ZNF197: variants seen among roughly 807,000 people sequenced by gnomAD.
ZNF197 encodes zinc finger protein 197, also known as VHL-associated KRAB-A domain-containing protein.
In ZNF197, 14 loss-of-function variants were observed where a neutral mutation model predicts 27.4. The observed-to-expected ratio is 0.51, with a 90% CI of 0.34 to 0.80. The LOEUF (loss-of-function observed/expected upper bound fraction) is 0.80, where lower values mean the gene tolerates loss of function less well. Ranked by LOEUF, ZNF197 falls within the 30% of genes least tolerant of loss-of-function variation. The pLI, the probability that ZNF197 is intolerant of heterozygous loss-of-function variation, is 0.02. For synonymous variants in ZNF197, 415 were observed against 420.0 expected (o/e 0.99, Z 0.15); for missense variants, 1,090 against 1,222.6 (o/e 0.89, Z 1.62).
intron 5 of ZNF197, among the ~76,000 whole-genome samples, chr3:44,633,496 G>A (rs760102778): frequency 1.5e-4 from 23 of 152,332 alleles, no homozygotes; most frequent in African/African-American, 3.8e-4. Flanking sequence ...CTAGGGATTA[G>A]CAAAGGCCAT....
rs770775151 is a variant in ZNF197, at chr3:44,646,005, A to G, written c.*1785A>G. Reference sequence around the variant, plus strand: ...AAGATTGTGTTTTTTAATAATGTCAAAGTGGTGTGTTGATTATCATAAATG... The same window carrying G: ...AAGATTGTGTTTTTTAATAATGTCAGAGTGGTGTGTTGATTATCATAAATG... On this transcript the variant is annotated 3_prime_UTR_variant, in exon 6 of 6. Transcript: ENST00000344387. 19 of 985,346 alleles carry G rather than the reference A, an allele frequency of 1.9e-5. No individual in the cohort carries two copies. Among genetic ancestry groups the G allele is most frequent in the East Asian group, 1.1e-4 (1 of 8,830 alleles). The allele number at this position is 985,346 out of a possible 1,614,324, so 61.0% of individuals were successfully genotyped here.
chr3:44,642,633 G>A lies in ZNF197; in HGVS notation c.1503G>A (p.Gln501=), dbSNP rs770370021. 2 of 1,614,058 alleles carry A rather than the reference G, an allele frequency of 1.2e-6. No individual in the cohort carries two copies. Among genetic ancestry groups the A allele is most frequent in the Admixed American group, 1.7e-5 (1 of 60,020 alleles). The change falls in exon 6 of 6, where the codon CAG becomes CAA. Residue 501 remains glutamine, a synonymous_variant. Transcript: ENST00000344387. ...AGAATGCTTACCTCATTGACCATCA[G>A]AGGCTCCACAAAGGGGAAGAACCTT... ...FSQNAYLIDH[Q]RLHKGEEPYK... is the part of the protein sequence containing the mutation.
chr3:44,642,877 TTACATCAGAGAGTCCACACAGAA>T lies in ZNF197; in HGVS notation c.1748_1770del (p.Leu583Ter), dbSNP rs1702702989. 1 of 1,614,172 alleles carries T rather than the reference TTACATCAGAGAGTCCACACAGAA, an allele frequency of 6.2e-7. No homozygotes were observed. The highest frequency in any genetic ancestry group is 2.2e-5 in the East Asian group (1 of 44,882). ...TTTCATTCGAAGCAAAAGCCTCCTC[TTACATCAGAGAGTCCACACAGAA>T]AAGAAAACCTTTGGTTGTAAAAAGT... On this transcript the variant is annotated frameshift_variant, in exon 6 of 6. Coordinates refer to ENST00000344387, the MANE Select transcript of ZNF197 (RefSeq NM_006991.5). LOFTEE classifies it low-confidence loss of function (END_TRUNC).
In ZNF197 at chr3:44,630,337, A is replaced by T. The variant is rs918359922; in HGVS notation, c.391-725A>T. ...GCAAGCCAAGGGATTGGGTTAAGAT[A>T]TTTGCTTCTGATAAGATTTATATCC... On this transcript the variant is annotated intron_variant, in intron 2 of 5. Transcript: ENST00000344387. 4.6e-5 allele frequency among the ~76,000 whole-genome samples: 7 copies of T among 152,250 alleles called. No individual in the cohort carries two copies. The East Asian group carries it at 1.2e-3, about 25-fold the overall frequency.
Position 44,642,115 on chromosome 3 carries a change from C to T in ZNF197, c.985C>T (p.Arg329Ter), listed in dbSNP as rs199888346. 42 of 1,613,644 alleles carry T rather than the reference C, an allele frequency of 2.6e-5. No individual in the cohort carries two copies. The highest frequency in any genetic ancestry group is 4.5e-5 in the East Asian group (2 of 44,860). The change falls in exon 6 of 6, where the codon CGA becomes TGA. Residue 329 changes from arginine (R) to a stop codon, truncating the protein, a stop_gained. Transcript: ENST00000344387. LOFTEE classifies it low-confidence loss of function (END_TRUNC). Reference protein sequence around the residue: ...DTVKKVSLCERDKKKRTPPEK... With the variant: ...DTVKKVSLCE ...AGTGAAGAAAGTTTCCCTTTGTGAA[C>T]GAGACAAGAAGAAAAGGACTCCACC...
In ZNF197 at chr3:44,644,882, AC is replaced by A. The variant is rs2125828196; in HGVS notation, c.*663del. On this transcript the variant is annotated 3_prime_UTR_variant, in exon 6 of 6. Coordinates refer to ENST00000344387, the MANE Select transcript of ZNF197 (RefSeq NM_006991.5). ...AAATAAAAATAAATTTATTAATAAAACTAAAAATTTAATAATAAAAAGTGGA... is the reference window on the plus strand; with the variant it reads ...AAATAAAAATAAATTTATTAATAAAATAAAAATTTAATAATAAAAAGTGGA... 1.0e-6 allele frequency: 1 copy of A among 966,150 alleles called. No homozygotes were observed. The highest frequency in any genetic ancestry group is 1.1e-4 in the East Asian group (1 of 8,724). The allele number at this position is 966,150 out of a possible 1,614,324, so 59.8% of individuals were successfully genotyped here.
At position 44,646,376 on chromosome 3, in the gene ZNF197, A is replaced by G; in HGVS notation, c.*2156A>G. On this transcript the variant is annotated 3_prime_UTR_variant, in exon 6 of 6. Coordinates refer to ENST00000344387, the MANE Select transcript of ZNF197 (RefSeq NM_006991.5). ...TGATTTACCTCTTCACCGAGTAACA[A>G]AATGTCACATTGCTTAGATTGAGAC... 6.4e-7 allele frequency: 1 copy of G among 1,566,536 alleles called. No homozygotes were observed. Among genetic ancestry groups the G allele is most frequent in the Non-Finnish European group, 8.6e-7 (1 of 1,156,876 alleles).
chr3:44,642,153 C>A lies in ZNF197; in HGVS notation c.1023C>A (p.Gly341=), dbSNP rs897358785. 10 of 1,613,826 alleles carry A rather than the reference C, an allele frequency of 6.2e-6. No individual in the cohort carries two copies. The highest frequency in any genetic ancestry group is 2.2e-5 in the East Asian group (1 of 44,866). ...KKKRTPPEKQ[G]QKWKELGDSL... ...AAAGGACTCCACCAGAGAAACAAGG[C>A]CAAAAGTGGAAGGAATTAGGAGACA... The change falls in exon 6 of 6, where the codon GGC becomes GGA. Residue 341 remains glycine, a synonymous_variant. Coordinates refer to ENST00000344387, the MANE Select transcript of ZNF197 (RefSeq NM_006991.5).
chr3:44,632,032 A>G, intron 3 of ZNF197, 73 bp from the exon 4 acceptor site: 2 of 1,313,184 alleles, frequency 1.5e-6, no homozygotes, highest in Non-Finnish European at 2.2e-6. Context: ...TCTTTGTGTT[A>G]TTCCAGCTCT....
rs1425945674 is a variant in ZNF197, at chr3:44,640,462, C to T, written c.770-1438C>T. 6.6e-6 allele frequency among the ~76,000 whole-genome samples: 1 copy of T among 152,012 alleles called. No homozygotes were observed. The highest frequency in any genetic ancestry group is 6.5e-5 in the Admixed American group (1 of 15,272). On this transcript the variant is annotated intron_variant, in intron 5 of 5. Transcript: ENST00000344387. The surrounding 1 kb of genome is among the most constrained non-coding windows in gnomAD (Gnocchi z 4.0). ...GTGTGATCTCGGCTCACTGCAACCTCTACCTCCCTGGTTCAAGTGATTCTC... is the reference window on the plus strand; with the variant it reads ...GTGTGATCTCGGCTCACTGCAACCTTTACCTCCCTGGTTCAAGTGATTCTC...
In ZNF197 at chr3:44,644,260, G is replaced by GT. The variant is rs1238858229; in HGVS notation, c.*41dup. The GT allele has an allele frequency of 1.9e-6, 3 of 1,538,822 alleles. No homozygotes were observed. The highest frequency in any genetic ancestry group is 2.6e-6 in the Non-Finnish European group (3 of 1,149,230). On this transcript the variant is annotated 3_prime_UTR_variant, in exon 6 of 6. Coordinates refer to ENST00000344387, the MANE Select transcript of ZNF197 (RefSeq NM_006991.5). ...TGGAATAGAATCCCTGCCTACTTAA[G>GT]TAACTGTTGGACAAATGATATATAT... is the stretch of plus-strand genomic sequence containing the variant.
rs2125824625 is a variant in ZNF197 at position 44,643,176 on chromosome 3, T to C, written c.2046T>C (p.Asp682=). The change falls in exon 6 of 6, where the codon GAT becomes GAC. Residue 682 remains aspartate (D), a synonymous_variant. Transcript: ENST00000344387. ...GAGAGAATCTCTATGAATGTAAAGA[T>C]TGTGGTAAGGTCTTCGGTTCAAACA... ...HTGENLYECK[D]CGKVFGSNRN... The C allele has an allele frequency of 1.2e-6, 2 of 1,612,588 alleles. No individual in the cohort carries two copies. The highest frequency in any genetic ancestry group is 1.7e-6 in the Non-Finnish European group (2 of 1,179,664).
chr3:44,638,388 G>A (rs1702421915), intron 5 of ZNF197, among the ~76,000 whole-genome samples: 3 of 151,898 alleles, frequency 2.0e-5, no homozygotes, highest in Admixed American at 2.0e-4. Flanking sequence ...CTACAGGTGT[G>A]TGCCACTATG....
rs1442772779 is a variant in ZNF197, at chr3:44,629,182, G to C, written c.28G>C (p.Ala10Pro). The C allele has an allele frequency of 1.2e-6, 2 of 1,613,190 alleles. No individual in the cohort carries two copies. Among genetic ancestry groups the C allele is most frequent in the Admixed American group, 1.7e-5 (1 of 59,816 alleles). MTRENVAHN[A>P]LRQEGLVKGK... ...GACAAGAGAAAATGTAGCCCACAATGCTCTGAGACAAGAGGGCCTTGTGAA... is the reference window on the plus strand; with the variant it reads ...GACAAGAGAAAATGTAGCCCACAATCCTCTGAGACAAGAGGGCCTTGTGAA... The change falls in exon 2 of 6, where the codon GCT becomes CCT. Residue 10 changes from alanine to proline, a missense_variant. By Grantham distance (27) the Ala-to-Pro change is conservative (BLOSUM62 -1). Transcript: ENST00000344387.
intron 3 of ZNF197, among the ~76,000 whole-genome samples, chr3:44,631,789 C>T (rs1419836347): frequency 2.6e-5 from 4 of 152,082 alleles, no homozygotes; most frequent in African/African-American, 9.7e-5. Context: ...CAACCTCCGC[C>T]TCCCAGGTTC....
intron 5 of ZNF197, 38 bp from the exon 6 acceptor site, chr3:44,641,862 G>T (rs1242917026): frequency 6.6e-7 from 1 of 1,519,600 alleles, no homozygotes; most frequent in Non-Finnish European, 8.8e-7. Flanking sequence ...CAAACACAGG[G>T]ACGTGGTAAC....
rs1701832454 is a variant in ZNF197, at chr3:44,629,137, C to G, written c.-18C>G. 1 of 1,594,056 alleles carries G rather than the reference C, an allele frequency of 6.3e-7. No homozygotes were observed. Among genetic ancestry groups the G allele is most frequent in the Non-Finnish European group, 8.5e-7 (1 of 1,172,836 alleles). Reference sequence around the variant, plus strand: ...AAGGAGACCTGGACTGGAGAGGAGCCTTTTTCAAAAAACAACAATGACAAG... The same window carrying G: ...AAGGAGACCTGGACTGGAGAGGAGCGTTTTTCAAAAAACAACAATGACAAG... On this transcript the variant is annotated 5_prime_UTR_variant, in exon 2 of 6. Coordinates refer to ENST00000344387, the MANE Select transcript of ZNF197 (RefSeq NM_006991.5).
Position 44,644,727 on chromosome 3 carries a change from A to C in ZNF197, c.*507A>C. On this transcript the variant is annotated 3_prime_UTR_variant, in exon 6 of 6. Transcript: ENST00000344387. ...AGTTGTAAATGAGAGCAACAATAAAAAGTAGACATGGGCTGGGTGCAGTGG... is the reference window on the plus strand; with the variant it reads ...AGTTGTAAATGAGAGCAACAATAAACAGTAGACATGGGCTGGGTGCAGTGG... The C allele has an allele frequency of 1.0e-6, 1 of 985,840 alleles. No individual in the cohort carries two copies. Among genetic ancestry groups the C allele is most frequent in the Non-Finnish European group, 1.2e-6 (1 of 830,304 alleles). 61.1% of individuals were successfully genotyped at this position (985,840 alleles called of 1,614,324 possible). A position where few individuals can be genotyped will look rare whatever the true frequency, so the allele number is the denominator to read the frequency against.
Position 44,643,210 on chromosome 3 carries a change from A to G in ZNF197, c.2080A>G (p.Ile694Val), listed in dbSNP as rs767096335. Residue 694 changes from isoleucine (I) to valine (V), a missense_variant, in exon 6 of 6, where the codon ATT (isoleucine) becomes GTT (valine). By Grantham distance (29) the Ile-to-Val change is conservative (BLOSUM62 3). Coordinates refer to ENST00000344387, the MANE Select transcript of ZNF197 (RefSeq NM_006991.5). ...GKVFGSNRNL[I>V]DHERLHNGEK... Reference sequence around the variant, plus strand: ...GGTCTTCGGTTCAAACAGAAACCTCATTGACCATGAGAGACTCCACAATGG... The same window carrying G: ...GGTCTTCGGTTCAAACAGAAACCTCGTTGACCATGAGAGACTCCACAATGG... 7 of 1,613,362 alleles carry G rather than the reference A, an allele frequency of 4.3e-6. No homozygotes were observed. In the Middle Eastern group the frequency reaches 4.9e-4, roughly 114 times the overall value.
Sources: gnomAD v4.1 joint callset for allele counts (sites outside exome capture counted in the v4.1 genomes callset) on GRCh38, gnomAD v4.1.1 for gene constraint, Gnocchi (gnomAD v3.1) non-coding constraint, MANE v1.5 for transcripts, NCBI Gene and HGNC (gene_info 2026-07-23, HGNC 2026-07-21) for gene names.